AKAP9: variants seen among roughly 807,000 people sequenced by gnomAD.
AKAP9 encodes the protein A-kinase anchor protein 9.
A neutral mutation model predicts 488.5 loss-of-function variants in AKAP9; 311 were observed. The observed-to-expected ratio is 0.64, with a 90% CI of 0.58 to 0.70. AKAP9 has a LOEUF of 0.70. AKAP9 is among the 30% of genes least tolerant of loss of function. The pLI, the probability that AKAP9 is intolerant of heterozygous loss-of-function variation, is 0.00. For missense variants in AKAP9, 4,215 were observed against 4,374.5 expected, an observed-to-expected ratio of 0.96 and a Z score of 1.03; for synonymous variants, 1,462 against 1,483.5, an observed-to-expected ratio of 0.99 and a Z score of 0.33.
At chr7:92,089,177 T>G (rs1238910460) in intron 37 of AKAP9, among the ~76,000 whole-genome samples, 1 of 152,216 alleles carries the variant, frequency 6.6e-6, no homozygotes, top group African/African-American at 2.4e-5. Context: ...TGTTCTTGTT[T>G]TAAGGAAATA....
At chr7:91,994,537 G>A in intron 5 of AKAP9, 84 bp from the exon 6 acceptor site, 7 of 1,152,116 alleles carry the variant, frequency 6.1e-6, no homozygotes, top group South Asian at 2.9e-5. Flanking sequence ...ATGCCAATGT[G>A]TTTTGAATTC....
At chr7:91,961,512 T>C (rs1793727104) in intron 1 of AKAP9, among the ~76,000 whole-genome samples, 2 of 151,882 alleles carry the variant, frequency 1.3e-5, no homozygotes, top group Non-Finnish European at 2.9e-5. Context: ...ATTTTGAAAA[T>C]TCATTGTTTT....
intron 20 of AKAP9, among the ~76,000 whole-genome samples, chr7:92,043,893 C>T (rs946841177): frequency 5.9e-5 from 9 of 152,118 alleles, no homozygotes; most frequent in African/African-American, 1.9e-4. Flanking sequence ...GGCAGAAGAC[C>T]TTTACCATGA....
chr7:92,013,710 CTT>C (rs879644579), intron 9 of AKAP9, among the ~76,000 whole-genome samples: 15 of 152,178 alleles, frequency 9.9e-5, no homozygotes, highest in Admixed American at 3.3e-4. Context: ...CAGTACCAAA[CTT>C]TTAAATTTCA....
In AKAP9 at chr7:92,070,113, T is replaced by C; in HGVS notation, c.6414T>C (p.Asp2138=). The C allele has an allele frequency of 6.2e-7, 1 of 1,614,066 alleles. No individual in the cohort carries two copies. The highest frequency in any genetic ancestry group is 8.5e-7 in the Non-Finnish European group (1 of 1,179,974). The part of the protein sequence containing the change: ...LLLSKEQLQR[D]IQERNEEIEK... ...TCTCTAAAGAGCAGCTTCAAAGGGATATACAAGAAAGGAATGAAGAAATAG... is the reference window on the plus strand; with the variant it reads ...TCTCTAAAGAGCAGCTTCAAAGGGACATACAAGAAAGGAATGAAGAAATAG... The change falls in exon 27 of 50, where the codon GAT becomes GAC. Residue 2138 remains aspartate (D), a synonymous_variant. Coordinates refer to ENST00000356239, the MANE Select transcript of AKAP9 (RefSeq NM_005751.5).
chr7:92,019,188 C>T (rs770130616), intron 12 of AKAP9, among the ~76,000 whole-genome samples: 7 of 151,914 alleles, frequency 4.6e-5, no homozygotes, highest in East Asian at 1.9e-4. Context: ...GTTGCCCAGG[C>T]TGGAGTACAG....
At chr7:91,951,474 A>G (rs1792243945) in intron 1 of AKAP9, among the ~76,000 whole-genome samples, 1 of 151,954 alleles carries the variant, frequency 6.6e-6, no homozygotes, top group Non-Finnish European at 1.5e-5. Context: ...GCGGGGGCTC[A>G]CCACCATGCC....
At chr7:92,099,906 A>G (rs902271072) in intron 44 of AKAP9, 37 bp downstream of exon 44, 33 of 1,587,376 alleles carry the variant, frequency 2.1e-5, no homozygotes, top group Non-Finnish European at 2.9e-5. Flanking sequence ...TATGAGAATT[A>G]GTGCATGCTT....
chr7:92,033,363 C>T (rs77325756), intron 16 of AKAP9, among the ~76,000 whole-genome samples: 2,186 of 151,776 alleles, frequency 0.014, 45 homozygotes, highest in African/African-American at 0.05. Context: ...TCACCAGTAC[C>T]GATGGGATTA....
rs1307619561 is a variant in AKAP9 at position 92,086,442 on chromosome 7, C to T, written c.9213+26C>T. On this transcript the variant is annotated intron_variant, in intron 37 of 49. Coordinates refer to ENST00000356239, the MANE Select transcript of AKAP9 (RefSeq NM_005751.5). ...GTATAATGAAACTTCATTTTAAAAACACTTTAATAGAAATAAGGAAATGAC... is the reference window on the plus strand; with the variant it reads ...GTATAATGAAACTTCATTTTAAAAATACTTTAATAGAAATAAGGAAATGAC... 7 of 1,556,390 alleles carry T rather than the reference C, an allele frequency of 4.5e-6. No individual in the cohort carries two copies. The African/African-American group carries it at 9.5e-5, about 21-fold the overall frequency.
rs886039192 is a variant in AKAP9, at chr7:92,052,925, A to G, written c.5568A>G (p.Lys1856=). 5 of 1,612,920 alleles carry G rather than the reference A, an allele frequency of 3.1e-6. No individual in the cohort carries two copies. Among genetic ancestry groups the G allele is most frequent in the Non-Finnish European group, 4.2e-6 (5 of 1,179,646 alleles). ...ISSRLQAAVE[K]LLEAISETSS... ...CTCGACTACAAGCAGCAGTTGAAAA[A>G]CTCCTAGAAGCCATAAGTGAAACTA... Residue 1856 remains lysine (K), a synonymous_variant, in exon 22 of 50, where the codon AAA becomes AAG. Coordinates refer to ENST00000356239, the MANE Select transcript of AKAP9 (RefSeq NM_005751.5).
At position 92,052,904 on chromosome 7, in the gene AKAP9, A is replaced by G. The variant is rs1416710766; in HGVS notation, c.5547A>G (p.Arg1849=). 6 of 1,613,780 alleles carry G rather than the reference A, an allele frequency of 3.7e-6. No individual in the cohort carries two copies. The highest frequency in any genetic ancestry group is 3.3e-4 in the Middle Eastern group (2 of 6,080). ...NEELMLNISS[R]LQAAVEKLLE... ...AACTTATGCTGAACATTAGCTCTCG[A>G]CTACAAGCAGCAGTTGAAAAACTCC... The change falls in exon 22 of 50, where the codon CGA becomes CGG. Residue 1849 remains arginine (R), a synonymous_variant. Coordinates refer to ENST00000356239, the MANE Select transcript of AKAP9 (RefSeq NM_005751.5).
rs1799387185 is a variant in AKAP9, at chr7:92,003,249, T to G, written c.3318+14T>G. The G allele has an allele frequency of 6.5e-7, 1 of 1,542,522 alleles. No individual in the cohort carries two copies. Among genetic ancestry groups the G allele is most frequent in the African/African-American group, 1.4e-5 (1 of 73,186 alleles). On this transcript the variant is annotated intron_variant, in intron 8 of 49. Coordinates refer to ENST00000356239, the MANE Select transcript of AKAP9 (RefSeq NM_005751.5). ...AAATCAGAACAGGTATGTTTACTTC[T>G]TCATATATGGTAAAGCACAATGAAA...
intron 9 of AKAP9, among the ~76,000 whole-genome samples, chr7:92,012,873 A>G (rs895588747): frequency 2.0e-5 from 3 of 152,110 alleles, no homozygotes; most frequent in African/African-American, 7.2e-5. Flanking sequence ...AATTTCTCCA[A>G]CAGAAGAATG....
chr7:92,045,194 C>G lies in AKAP9; in HGVS notation c.5349C>G (p.Val1783=). The change falls in exon 21 of 50, where the codon GTC becomes GTG. Residue 1783 remains valine (V), a synonymous_variant. Coordinates refer to ENST00000356239, the MANE Select transcript of AKAP9 (RefSeq NM_005751.5). ...CAGAGGCATCTGTAAAGTCATGTGT[C>G]CATGAGGAACATACAAGAGGTACTA... ...SEAEASVKSC[V]HEEHTRVTDE... 6.2e-7 allele frequency: 1 copy of G among 1,613,474 alleles called. No homozygotes were observed. The highest frequency in any genetic ancestry group is 8.5e-7 in the Non-Finnish European group (1 of 1,179,786).
chr7:92,033,119 A>G (rs1440687664), intron 16 of AKAP9, among the ~76,000 whole-genome samples: 2 of 152,214 alleles, frequency 1.3e-5, no homozygotes. Context: ...CATTACTGTG[A>G]TAATGGTGGT....
Position 92,096,588 on chromosome 7 carries a change from C to G in AKAP9, c.9730-101C>G, listed in dbSNP as rs186199543. On this transcript the variant is annotated intron_variant, in intron 40 of 49. Coordinates refer to ENST00000356239, the MANE Select transcript of AKAP9 (RefSeq NM_005751.5). Reference sequence around the variant, plus strand: ...TTGACCTCAGGTGATCTGCCCGCCTCGGCCTCCCAAAGTGCTGGGATTACA... The same window carrying G: ...TTGACCTCAGGTGATCTGCCCGCCTGGGCCTCCCAAAGTGCTGGGATTACA... 792 of 1,338,294 alleles carry G rather than the reference C, an allele frequency of 5.9e-4. 3 individuals carry two copies. In the African/African-American group the frequency reaches 9.2e-3, roughly 16 times the overall value. 82.9% of individuals were successfully genotyped at this position (1,338,294 alleles called of 1,614,324 possible).
chr7:92,019,382 C>T (rs1359264601), intron 12 of AKAP9, among the ~76,000 whole-genome samples: 1 of 151,746 alleles, frequency 6.6e-6, no homozygotes, highest in Non-Finnish European at 1.5e-5. Flanking sequence ...CCTTGTGATC[C>T]GCCCACCTTG....
At chr7:92,052,646 T>A (rs900224036) in intron 21 of AKAP9, 80 bp from the exon 22 acceptor site, 2 of 965,802 alleles carry the variant, frequency 2.1e-6, no homozygotes, top group South Asian at 3.3e-5. Context: ...GATTTCCAGT[T>A]TAGTTTGATG....
Sources: gnomAD v4.1 joint callset for allele counts (sites outside exome capture counted in the v4.1 genomes callset) on GRCh38, gnomAD v4.1.1 for gene constraint, MANE v1.5 for transcripts, NCBI Gene and HGNC (gene_info 2026-07-23, HGNC 2026-07-21) for gene names.